Variants in PLCE1 observed in about 807,000 individuals in gnomAD.
PLCE1 encodes 1-phosphatidylinositol 4,5-bisphosphate phosphodiesterase epsilon-1.
A neutral mutation model predicts 242.8 loss-of-function variants in PLCE1; 119 were observed. That is an observed-to-expected ratio of 0.49 (90% CI 0.42 to 0.57). The LOEUF is 0.57. PLCE1 is among the 20% of genes least tolerant of loss of function. The pLI is 0.00. For missense variants in PLCE1, 2,441 were observed against 2,788.8 expected (o/e 0.88, Z 2.81); for synonymous variants, 945 against 1,017.4 (o/e 0.93, Z 1.35).
At chr10:94,248,167 C>T (rs2050752964) in intron 8 of PLCE1, among the ~76,000 whole-genome samples, 1 of 152,196 alleles carries the variant, frequency 6.6e-6, no homozygotes, top group Admixed American at 6.5e-5. Context: ...TTTCCCTACA[C>T]CCATGTCACG....
At chr10:94,051,060 A>G (rs1195369626) in intron 2 of PLCE1, among the ~76,000 whole-genome samples, 10 of 152,118 alleles carry the variant, frequency 6.6e-5, no homozygotes, top group Non-Finnish European at 1.5e-4. Flanking sequence ...TCACTAGGCA[A>G]TGGAAACTTG....
chr10:94,204,746 G>GAGA, intron 4 of PLCE1, among the ~76,000 whole-genome samples: 2 of 129,644 alleles, frequency 1.5e-5, no homozygotes, highest in Non-Finnish European at 3.2e-5. Flanking sequence ...GAAGAAGGGA[G>GAGA]GGAGGAAGGA....
At chr10:94,261,215 T>C (rs1414781522) in intron 13 of PLCE1, among the ~76,000 whole-genome samples, 1 of 152,220 alleles carries the variant, frequency 6.6e-6, no homozygotes, top group African/African-American at 2.4e-5. Flanking sequence ...AGTTTTGCCT[T>C]TTCCAGAATG....
chr10:94,208,746 AT>A (rs1447547698), intron 4 of PLCE1, among the ~76,000 whole-genome samples: 1 of 152,244 alleles, frequency 6.6e-6, no homozygotes, highest in African/African-American at 2.4e-5. Context: ...ACAATAGGAT[AT>A]TCTGAAGAAA....
At position 94,324,957 on chromosome 10, in the gene PLCE1, A is replaced by T; in HGVS notation, c.6786A>T (p.Ser2262=). The T allele has an allele frequency of 6.2e-7, 1 of 1,614,188 alleles. No homozygotes were observed. The highest frequency in any genetic ancestry group is 8.5e-7 in the Non-Finnish European group (1 of 1,180,024). Residue 2262 remains serine (S), a synonymous_variant, in exon 32 of 33, where the codon TCA becomes TCT. Coordinates refer to ENST00000371380, the MANE Select transcript of PLCE1 (RefSeq NM_016341.4). ...FASELKKLTK[S]TKQPRGLTSP... Reference sequence around the variant, plus strand: ...GTGAACTCAAGAAGCTCACCAAGTCAACTAAACAGCCCCGAGGACTTACAT... The same window carrying T: ...GTGAACTCAAGAAGCTCACCAAGTCTACTAAACAGCCCCGAGGACTTACAT...
intron 2 of PLCE1, among the ~76,000 whole-genome samples, chr10:94,061,808 C>T (rs1038296268): frequency 6.6e-6 from 1 of 152,154 alleles, no homozygotes; most frequent in Non-Finnish European, 1.5e-5. Context: ...ACACTGAAAG[C>T]TCAAGTGCAA....
chr10:94,239,254 C>A (rs1039698184), intron 7 of PLCE1, among the ~76,000 whole-genome samples: 4 of 152,306 alleles, frequency 2.6e-5, no homozygotes, highest in Admixed American at 1.3e-4. Context: ...ATAATCCCCA[C>A]GTGTCAAGGG....
chr10:94,253,829 A>G (rs917207079), intron 9 of PLCE1, among the ~76,000 whole-genome samples: 1 of 152,162 alleles, frequency 6.6e-6, no homozygotes, highest in African/African-American at 2.4e-5. Flanking sequence ...TGAAGGGGAC[A>G]AACATCCAAA....
chr10:94,198,385 C>A lies in PLCE1; in HGVS notation c.1809+26889C>A, dbSNP rs1348897987. ...AATAAGTTGCTTAGTAGGTAATTAG[C>A]TTCTTTGAACCTTTCTTTTCATCCT... On this transcript the variant is annotated intron_variant, in intron 4 of 32. Coordinates refer to ENST00000371380, the MANE Select transcript of PLCE1 (RefSeq NM_016341.4). 2.0e-5 allele frequency among the ~76,000 whole-genome samples: 3 copies of A among 152,222 alleles called. No homozygotes were observed. In the East Asian group the frequency reaches 5.8e-4, roughly 29 times the overall value.
intron 1 of PLCE1, among the ~76,000 whole-genome samples, chr10:94,002,700 C>G (rs1250590956): frequency 6.6e-6 from 1 of 152,080 alleles, no homozygotes; most frequent in Admixed American, 6.5e-5. Flanking sequence ...AAGCTTGGCC[C>G]TCTTGGTTTT....
chr10:94,004,736 T>C (rs900007347), intron 1 of PLCE1, among the ~76,000 whole-genome samples: 2 of 152,168 alleles, frequency 1.3e-5, no homozygotes, highest in African/African-American at 4.8e-5. Context: ...TCAGCAGTTA[T>C]TTTGAGTCAC....
chr10:94,089,103 A>G lies in PLCE1; in HGVS notation c.1207-43071A>G, dbSNP rs1205580255. 1.9e-6 allele frequency: 3 copies of G among 1,613,760 alleles called. No homozygotes were observed. The Admixed American group carries it at 5.0e-5, about 27-fold the overall frequency. The stretch of plus-strand genomic sequence containing the variant: ...GTGGGTCGTGGTGATTAATGGTTTC[A>G]GAAGGAAGTGCAGCAGGAAGAGACT... On this transcript the variant is annotated intron_variant, in intron 2 of 32. Transcript: ENST00000371380.
chr10:94,267,861 C>T (rs1305312143), intron 16 of PLCE1, among the ~76,000 whole-genome samples: 1 of 152,156 alleles, frequency 6.6e-6, no homozygotes. Context: ...AAGAATATAG[C>T]ACTTATCCCA....
At chr10:94,057,137 A>G (rs940609460) in intron 2 of PLCE1, among the ~76,000 whole-genome samples, 45 of 152,104 alleles carry the variant, frequency 3.0e-4, no homozygotes, top group Admixed American at 1.3e-4. Context: ...TTGTGTGGAT[A>G]TATGTTTTCA....
chr10:94,279,996 G>A (rs966100180), intron 20 of PLCE1, 85 bp downstream of exon 20: 2 of 1,377,870 alleles, frequency 1.5e-6, no homozygotes, highest in Non-Finnish European at 2.1e-6. Flanking sequence ...AGTCTAGAGC[G>A]CCAAAGACCA....
chr10:94,132,556 C>T lies in PLCE1; in HGVS notation c.1492+97C>T, dbSNP rs1231728798. 4 of 1,226,322 alleles carry T rather than the reference C, an allele frequency of 3.3e-6. No homozygotes were observed. In the East Asian group the frequency reaches 9.4e-5, roughly 29 times the overall value. The allele number at this position is 1,226,322 out of a possible 1,614,324, so 76.0% of individuals were successfully genotyped here. A position where few individuals can be genotyped will look rare whatever the true frequency, so the allele number is the denominator to read the frequency against. On this transcript the variant is annotated intron_variant, in intron 3 of 32. Coordinates refer to ENST00000371380, the MANE Select transcript of PLCE1 (RefSeq NM_016341.4). ...ATCTCCTGATGGAAAATTAAGTTCA[C>T]TTTTCAGCAACTTTAAGTAAAAGTC...
chr10:94,162,538 T>C (rs968018656), intron 3 of PLCE1, among the ~76,000 whole-genome samples: 40 of 152,210 alleles, frequency 2.6e-4, no homozygotes, highest in East Asian at 7.7e-4. Flanking sequence ...TATTTGATTC[T>C]TCTCTCTTTT....
At chr10:94,315,089 G>A in intron 28 of PLCE1, 1 of 232,986 alleles carries the variant, frequency 4.3e-6, no homozygotes, top group Non-Finnish European at 8.6e-6. Flanking sequence ...GGTGATGCTG[G>A]CCCTCTTGTG....
chr10:94,026,602 C>T (rs2061456321), intron 1 of PLCE1, among the ~76,000 whole-genome samples: 1 of 152,104 alleles, frequency 6.6e-6, no homozygotes, highest in Non-Finnish European at 1.5e-5. Context: ...CTAGAGCTGA[C>T]CAAGAGTGAG....
Sources: allele counts gnomAD v4.1 joint callset (sites outside exome capture counted in the v4.1 genomes callset), GRCh38; gene constraint gnomAD v4.1.1; transcripts MANE v1.5; gene names NCBI Gene and HGNC (gene_info 2026-07-23, HGNC 2026-07-21).